ATG7: variants seen among roughly 807,000 people sequenced by gnomAD.
ATG7 encodes the protein autophagy related 7.
A neutral mutation model predicts 82.4 loss-of-function variants in ATG7; 70 were observed. The observed-to-expected ratio is 0.85, with a 90% CI of 0.70 to 1.04. The LOEUF is 1.04. Ranked by LOEUF, ATG7 falls within the 50% of genes least tolerant of loss-of-function variation. The pLI, the probability that ATG7 is intolerant of heterozygous loss-of-function variation, is 0.00. For missense variants in ATG7, 792 were observed against 864.3 expected, an observed-to-expected ratio of 0.92 and a Z score of 1.05; for synonymous variants, 287 against 313.0, an observed-to-expected ratio of 0.92 and a Z score of 0.88.
chr3:11,519,377 GAATCT>G (rs1024491458), intron 20 of ATG7, among the ~76,000 whole-genome samples: 1 of 151,980 alleles, frequency 6.6e-6, no homozygotes, highest in Non-Finnish European at 1.5e-5. Flanking sequence ...TCTGGATGGT[GAATCT>G]TACTCAGATT....
intron 20 of ATG7, among the ~76,000 whole-genome samples, chr3:11,451,886 G>GACAC (rs34995509): frequency 8.2e-5 from 12 of 145,466 alleles, no homozygotes; most frequent in South Asian, 4.3e-4. Context: ...CACACACACA[G>GACAC]ACACACACAC....
At chr3:11,454,613 G>T (rs1222884079) in intron 20 of ATG7, among the ~76,000 whole-genome samples, 1 of 152,074 alleles carries the variant, frequency 6.6e-6, no homozygotes, top group African/African-American at 2.4e-5. Flanking sequence ...GGTCTTTCTG[G>T]GCATATGAGG....
intron 20 of ATG7, among the ~76,000 whole-genome samples, chr3:11,494,723 T>C (rs1249454541): frequency 6.6e-6 from 1 of 152,082 alleles, no homozygotes; most frequent in Non-Finnish European, 1.5e-5. Context: ...ATACTAGTCA[T>C]AGGGCTTTGG....
chr3:11,431,873 CA>C (rs1394943720), intron 20 of ATG7, among the ~76,000 whole-genome samples: 6 of 152,102 alleles, frequency 3.9e-5, no homozygotes, highest in African/African-American at 1.4e-4. Flanking sequence ...GAAAGGGGCA[CA>C]TAGTAATGAA....
intron 1 of ATG7, among the ~76,000 whole-genome samples, chr3:11,275,072 G>A (rs1259484813): frequency 6.6e-6 from 1 of 152,096 alleles, no homozygotes; most frequent in Non-Finnish European, 1.5e-5. Context: ...AGTGGAGATG[G>A]AGAGGAGTGG....
chr3:11,523,734 G>A (rs1262836770), intron 20 of ATG7, among the ~76,000 whole-genome samples: 2 of 152,226 alleles, frequency 1.3e-5, no homozygotes, highest in East Asian at 3.8e-4. Flanking sequence ...ACCTTGTGAT[G>A]TTAGAATAAT....
At chr3:11,442,340 G>A (rs570305032) in intron 20 of ATG7, among the ~76,000 whole-genome samples, 4 of 152,198 alleles carry the variant, frequency 2.6e-5, no homozygotes, top group Admixed American at 2.0e-4. Context: ...CTGTAAAATG[G>A]GATAATGCCT....
chr3:11,517,256 G>A (rs1027922394), intron 20 of ATG7, among the ~76,000 whole-genome samples: 14 of 151,460 alleles, frequency 9.2e-5, no homozygotes, highest in Admixed American at 2.6e-4. Flanking sequence ...CAGGAGAATC[G>A]CTTGAACCCA....
At chr3:11,429,129 G>C (rs2082624786) in intron 20 of ATG7, among the ~76,000 whole-genome samples, 1 of 152,220 alleles carries the variant, frequency 6.6e-6, no homozygotes, top group Non-Finnish European at 1.5e-5. Flanking sequence ...CTGTGAGCCA[G>C]ATACGGCTTG....
At position 11,557,073 on chromosome 3, in the gene ATG7, C is replaced by T. The variant is rs2072497017; in HGVS notation, c.*2230C>T. On this transcript the variant is annotated 3_prime_UTR_variant, in exon 21 of 21. Transcript: ENST00000693202. ...GGTGACCACGCCCACGTCACCTGGT[C>T]AGGTGCCATCGTCGTGAGCCTCTGG... 1 of 152,466 alleles carries T rather than the reference C, an allele frequency of 6.6e-6. No individual in the cohort carries two copies. The highest frequency in any genetic ancestry group is 6.5e-5 in the Admixed American group (1 of 15,284). 9.4% of individuals were successfully genotyped at this position (152,466 alleles called of 1,614,324 possible). A position where few individuals can be genotyped will look rare whatever the true frequency, so the allele number is the denominator to read the frequency against.
chr3:11,434,781 T>C (rs555468010), intron 20 of ATG7, among the ~76,000 whole-genome samples: 1 of 152,266 alleles, frequency 6.6e-6, no homozygotes, highest in South Asian at 2.1e-4. Flanking sequence ...TATAATCCGC[T>C]TGGAGAAGTC....
intron 20 of ATG7, among the ~76,000 whole-genome samples, chr3:11,470,385 G>A (rs2087357261): frequency 1.3e-5 from 2 of 152,144 alleles, no homozygotes; most frequent in Admixed American, 1.3e-4. Context: ...GAACACTGTG[G>A]GCAACTGGAA....
chr3:11,293,816 A>G (rs1200762002), intron 3 of ATG7, among the ~76,000 whole-genome samples: 1 of 151,520 alleles, frequency 6.6e-6, no homozygotes, highest in Non-Finnish European at 1.5e-5. Flanking sequence ...ATGCCACTGC[A>G]CTCCAGCCTG....
At chr3:11,491,919 G>C (rs1043531385) in intron 20 of ATG7, among the ~76,000 whole-genome samples, 1 of 152,180 alleles carries the variant, frequency 6.6e-6, no homozygotes, top group Admixed American at 6.5e-5. Context: ...CTTTTTGTTT[G>C]TCTGTGCCCT....
intron 20 of ATG7, among the ~76,000 whole-genome samples, chr3:11,517,589 C>G (rs1263923370): frequency 6.6e-6 from 1 of 152,108 alleles, no homozygotes; most frequent in East Asian, 1.9e-4. Context: ...CCAGAAGAAG[C>G]CAGAGGAGGG....
rs1032291729 is a variant in ATG7, at chr3:11,555,129, G to C, written c.*286G>C. The C allele has an allele frequency of 2.2e-5, 10 of 463,752 alleles. No homozygotes were observed. The highest frequency in any genetic ancestry group is 2.0e-4 in the African/African-American group (10 of 49,742). The allele number at this position is 463,752 out of a possible 1,614,324, so 28.7% of individuals were successfully genotyped here. A position where few individuals can be genotyped will look rare whatever the true frequency, so the allele number is the denominator to read the frequency against. On this transcript the variant is annotated 3_prime_UTR_variant, in exon 21 of 21. Coordinates refer to ENST00000693202, the MANE Select transcript of ATG7 (RefSeq NM_001349232.2). Reference sequence around the variant, plus strand: ...TTATTTCTTGTCACAGTGACTGATAGCCATCCCCCAGGATCCTTTCCCCTT... The same window carrying C: ...TTATTTCTTGTCACAGTGACTGATACCCATCCCCCAGGATCCTTTCCCCTT...
intron 9 of ATG7, among the ~76,000 whole-genome samples, chr3:11,320,119 C>A (rs1950011795): frequency 1.3e-5 from 2 of 152,132 alleles, no homozygotes; most frequent in African/African-American, 4.8e-5. Flanking sequence ...TTTGCATGCA[C>A]CTTTTGCCTG....
At chr3:11,330,834 G>A (rs1299318512) in intron 9 of ATG7, among the ~76,000 whole-genome samples, 3 of 152,206 alleles carry the variant, frequency 2.0e-5, no homozygotes, top group African/African-American at 7.2e-5. Context: ...ATCGGGATTG[G>A]AGTGGGATGG....
the ATG7 span, among the ~76,000 whole-genome samples, chr3:11,571,020 G>A: frequency 6.6e-6 from 1 of 152,212 alleles, no homozygotes; most frequent in Non-Finnish European, 1.5e-5. Context: ...GCAAAGGAAG[G>A]CCTGGGTGAA....
Sources: allele counts gnomAD v4.1 joint callset (sites outside exome capture counted in the v4.1 genomes callset), GRCh38; gene constraint gnomAD v4.1.1; transcripts MANE v1.5; gene names NCBI Gene and HGNC (gene_info 2026-07-23, HGNC 2026-07-21).